Variants in CREB5 observed in about 807,000 individuals in gnomAD.
The protein encoded by CREB5 is cAMP responsive element binding protein 5.
In CREB5, 19 loss-of-function variants were observed where a neutral mutation model predicts 57.1. The observed-to-expected ratio is 0.33, with a 90% CI of 0.23 to 0.49. The LOEUF (loss-of-function observed/expected upper bound fraction) is 0.49, where lower values mean the gene tolerates loss of function less well. Ranked by LOEUF, CREB5 falls within the 20% of genes least tolerant of loss-of-function variation. CREB5 has a pLI of 0.99. For synonymous variants in CREB5, 238 were observed against 238.3 expected (o/e 1.00, Z 0.01); for missense variants, 579 against 671.6 (o/e 0.86, Z 1.52).
At chr7:28,636,438 T>G (rs1798420519) in intron 5 of CREB5, among the ~76,000 whole-genome samples, 1 of 152,206 alleles carries the variant, frequency 6.6e-6, no homozygotes. Context: ...CTACCCCTAC[T>G]GCATCCCCTG....
chr7:28,705,140 G>A (rs571164237), intron 5 of CREB5, among the ~76,000 whole-genome samples: 3 of 152,174 alleles, frequency 2.0e-5, no homozygotes, highest in Admixed American at 6.5e-5. Flanking sequence ...CAAGGCAGGC[G>A]GATCACGAGG....
intron 7 of CREB5, 151 bp from the exon 8 acceptor site, chr7:28,804,048 G>GTACTGGTAGCAAGATAGC (rs1449563696): frequency 1.4e-6 from 1 of 717,354 alleles, no homozygotes; most frequent in Non-Finnish European, 2.3e-6. Context: ...AAGCTATCTT[G>GTACTGGTAGCAAGATAGC]TACTGGTAGC....
At chr7:28,492,146 C>A (rs1483571127) in intron 2 of CREB5, among the ~76,000 whole-genome samples, 1 of 152,132 alleles carries the variant, frequency 6.6e-6, no homozygotes, top group African/African-American at 2.4e-5. Context: ...ATTACAGGCA[C>A]TTGCCACCAC....
At chr7:28,753,108 T>C (rs1274677762) in intron 7 of CREB5, among the ~76,000 whole-genome samples, 1 of 152,258 alleles carries the variant, frequency 6.6e-6, no homozygotes, top group Admixed American at 6.5e-5. Context: ...GAATCTGTCC[T>C]AAGAAAATAA....
intron 1 of CREB5, among the ~76,000 whole-genome samples, chr7:28,425,696 C>T (rs1391343916): frequency 1.3e-5 from 2 of 152,172 alleles, no homozygotes; most frequent in Non-Finnish European, 2.9e-5. Context: ...CATGTTGATC[C>T]AACAGCTTCT....
chr7:28,353,353 G>T (rs1234473812), intron 1 of CREB5, among the ~76,000 whole-genome samples: 2 of 152,152 alleles, frequency 1.3e-5, no homozygotes, highest in African/African-American at 4.8e-5. Flanking sequence ...CCCATACTCT[G>T]AAAGAAAAGT....
At chr7:28,584,356 CT>C (rs1315339955) in intron 5 of CREB5, among the ~76,000 whole-genome samples, 21 of 152,294 alleles carry the variant, frequency 1.4e-4, no homozygotes, top group Middle Eastern at 6.8e-3. Flanking sequence ...GAAATAGGGT[CT>C]GTAATCAGGT....
intron 1 of CREB5, among the ~76,000 whole-genome samples, chr7:28,382,245 G>A (rs751783460): frequency 1.3e-5 from 2 of 152,146 alleles, no homozygotes; most frequent in African/African-American, 2.4e-5. Context: ...GCCTGCCCAC[G>A]TTGAGGGCAG....
chr7:28,803,915 G>A (rs999254157), intron 7 of CREB5, among the ~76,000 whole-genome samples: 62 of 152,228 alleles, frequency 4.1e-4, no homozygotes, highest in Admixed American at 4.1e-3. Flanking sequence ...ATACCTTTTA[G>A]TAGAATGTAT....
chr7:28,419,737 A>T (rs1788165584), intron 1 of CREB5, among the ~76,000 whole-genome samples: 1 of 152,184 alleles, frequency 6.6e-6, no homozygotes, highest in Non-Finnish European at 1.5e-5. Flanking sequence ...CCAAATATCT[A>T]TTTGTAACAT....
At chr7:28,420,807 C>CAAAAA (rs10540496) in intron 1 of CREB5, among the ~76,000 whole-genome samples, 10 of 92,930 alleles carry the variant, frequency 1.1e-4, no homozygotes, top group African/African-American at 3.7e-4. Flanking sequence ...GACTCCATCT[C>CAAAAA]AAAAAAAAAA....
chr7:28,447,694 A>T (rs1474985606), intron 1 of CREB5, among the ~76,000 whole-genome samples: 3 of 152,124 alleles, frequency 2.0e-5, no homozygotes, highest in South Asian at 2.1e-4. Flanking sequence ...GGAGAGCAAG[A>T]TAAAGAACAT....
chr7:28,635,410 C>G (rs1429275703), intron 5 of CREB5, among the ~76,000 whole-genome samples: 1 of 152,136 alleles, frequency 6.6e-6, no homozygotes, highest in Non-Finnish European at 1.5e-5. Flanking sequence ...TGGTAATGAT[C>G]CTGGAAATAA....
At chr7:28,325,829 A>G (rs1029269126) in intron 1 of CREB5, among the ~76,000 whole-genome samples, 1 of 152,204 alleles carries the variant, frequency 6.6e-6, no homozygotes, top group Admixed American at 6.5e-5. Flanking sequence ...GTTGTATTCA[A>G]TGGGTTATAA....
rs148120317 is a variant in CREB5, at chr7:28,641,893, C to T, written c.464+71356C>T. Among the ~76,000 whole-genome samples the T allele has an allele frequency of 1.6e-4, 25 of 152,320 alleles. 1 individual carries two copies. In the East Asian group the frequency reaches 4.6e-3, roughly 28 times the overall value. On this transcript the variant is annotated intron_variant, in intron 5 of 10. Coordinates refer to ENST00000357727, the MANE Select transcript of CREB5 (RefSeq NM_182898.4). ...AAACCAGAAATACACACACAGCAAA[C>T]ACATCTGTCTTTTGGGTCAAAAGAA...
chr7:28,336,762 A>C (rs1412233620), intron 1 of CREB5, among the ~76,000 whole-genome samples: 1 of 150,912 alleles, frequency 6.6e-6, no homozygotes, highest in African/African-American at 2.4e-5. Flanking sequence ...TTGCTTTTCT[A>C]GTTCTTCAAC....
At chr7:28,560,819 T>TGTGTGTGCGTGTGTGTGTGTGTGCGTGC (rs1562796977) in intron 4 of CREB5, among the ~76,000 whole-genome samples, 1 of 62,354 alleles carries the variant, frequency 1.6e-5, no homozygotes, top group South Asian at 6.0e-4. Flanking sequence ...CGTGTGTGTG[T>TGTGTGTGCGTGTGTGTGTGTGTGCGTGC]GTGCGCGCGC....
chr7:28,693,293 G>A (rs1273814089), intron 5 of CREB5, among the ~76,000 whole-genome samples: 1 of 152,178 alleles, frequency 6.6e-6, no homozygotes, highest in Non-Finnish European at 1.5e-5. Flanking sequence ...GGGAAAATAG[G>A]GTCAGGAGAC....
At chr7:28,815,689 G>A (rs1182362234) in intron 9 of CREB5, among the ~76,000 whole-genome samples, 3 of 152,186 alleles carry the variant, frequency 2.0e-5, no homozygotes, top group Non-Finnish European at 4.4e-5. Context: ...TTTGTGCCTG[G>A]GAGATCGAAT....
Sources: allele counts gnomAD v4.1 joint callset (sites outside exome capture counted in the v4.1 genomes callset), GRCh38; gene constraint gnomAD v4.1.1; transcripts MANE v1.5; gene names NCBI Gene and HGNC (gene_info 2026-07-23, HGNC 2026-07-21).